RERE: variants seen among roughly 807,000 people sequenced by gnomAD.
RERE encodes the protein arginine-glutamic acid dipeptide repeats protein.
Under a neutral mutation model 146.1 loss-of-function variants are expected in RERE, and 40 were observed. That is an observed-to-expected ratio of 0.27 (90% confidence interval 0.21 to 0.36). The LOEUF is 0.36. RERE is among the 10% of genes least tolerant of loss of function. RERE has a pLI of 1.00. For missense variants in RERE, 1,933 were observed against 2,138.7 expected, an observed-to-expected ratio of 0.90 and a Z score of 1.90; for synonymous variants, 1,003 against 866.0, an observed-to-expected ratio of 1.16 and a Z score of -2.78.
chr1:8,464,280 CT>C (rs1644566564), intron 11 of RERE, among the ~76,000 whole-genome samples: 2 of 152,146 alleles, frequency 1.3e-5, no homozygotes, highest in African/African-American at 4.8e-5. Context: ...CTCCGCCTAG[CT>C]TTTCCCATTC....
intron 12 of RERE, among the ~76,000 whole-genome samples, chr1:8,379,270 G>C (rs1642363884): frequency 6.6e-6 from 1 of 152,158 alleles, no homozygotes; most frequent in African/African-American, 2.4e-5. Flanking sequence ...CCACAGGCAA[G>C]AGCCCAGCTC....
intron 4 of RERE, among the ~76,000 whole-genome samples, chr1:8,578,860 C>T (rs1646328358): frequency 6.6e-6 from 1 of 152,184 alleles, no homozygotes. Flanking sequence ...GTAAAAGATC[C>T]TTTATATGAA....
intron 1 of RERE, among the ~76,000 whole-genome samples, chr1:8,723,416 G>C (rs1162003356): frequency 1.3e-5 from 2 of 151,822 alleles, no homozygotes; most frequent in Non-Finnish European, 2.9e-5. Flanking sequence ...CTTTAAAAAA[G>C]AAAACAAACT....
At chr1:8,771,375 T>A (rs1640945498) in intron 1 of RERE, among the ~76,000 whole-genome samples, 1 of 151,540 alleles carries the variant, frequency 6.6e-6, no homozygotes, top group Non-Finnish European at 1.5e-5. Flanking sequence ...TACAAAAAAA[T>A]TAGCCAGACG....
intron 12 of RERE, among the ~76,000 whole-genome samples, chr1:8,369,721 T>C (rs1641958301): frequency 6.6e-6 from 1 of 151,826 alleles, no homozygotes; most frequent in Non-Finnish European, 1.5e-5. Flanking sequence ...ATTCTTCTCT[T>C]ATTTACCCAA....
At chr1:8,577,641 A>G (rs1351301898) in intron 4 of RERE, among the ~76,000 whole-genome samples, 1 of 152,348 alleles carries the variant, frequency 6.6e-6, no homozygotes, top group East Asian at 1.9e-4. Flanking sequence ...CTGAAAGTGA[A>G]TAGGCACAGA....
chr1:8,775,985 T>C (rs1055760140), intron 1 of RERE, among the ~76,000 whole-genome samples: 2 of 152,224 alleles, frequency 1.3e-5, no homozygotes, highest in African/African-American at 4.8e-5. Context: ...TTAGCAATCA[T>C]GCCACACTGC....
intron 4 of RERE, among the ~76,000 whole-genome samples, chr1:8,566,929 T>C (rs778141943): frequency 6.6e-6 from 1 of 151,956 alleles, no homozygotes; most frequent in Non-Finnish European, 1.5e-5. Context: ...TAGCTGGGAC[T>C]ACAGCATGTG....
intron 1 of RERE, among the ~76,000 whole-genome samples, chr1:8,671,991 C>A (rs937618724): frequency 6.6e-6 from 1 of 152,016 alleles, no homozygotes; most frequent in Non-Finnish European, 1.5e-5. Flanking sequence ...ACATCTCAGC[C>A]GGGCGTGGTG....
intron 10 of RERE, among the ~76,000 whole-genome samples, chr1:8,481,444 T>C (rs866855595): frequency 2.0e-5 from 3 of 152,206 alleles, no homozygotes; most frequent in African/African-American, 7.2e-5. Context: ...GAAGGCGCTA[T>C]AAGGTACTGG....
At chr1:8,466,422 T>C (rs1261173780) in intron 10 of RERE, among the ~76,000 whole-genome samples, 3 of 152,038 alleles carry the variant, frequency 2.0e-5, no homozygotes, top group Non-Finnish European at 4.4e-5. Flanking sequence ...ATCGCCCTAC[T>C]TCACAGATGA....
At chr1:8,458,036 A>C (rs1644473040) in intron 11 of RERE, among the ~76,000 whole-genome samples, 1 of 152,112 alleles carries the variant, frequency 6.6e-6, no homozygotes, top group Non-Finnish European at 1.5e-5. Flanking sequence ...TCCAGTTACC[A>C]ATGTAATATG....
At chr1:8,536,021 G>A (rs1443165810) in intron 7 of RERE, among the ~76,000 whole-genome samples, 4 of 150,706 alleles carry the variant, frequency 2.7e-5, no homozygotes, top group Non-Finnish European at 5.9e-5. Flanking sequence ...CAGGAGAATT[G>A]CTTGAACCCG....
chr1:8,803,677 C>G (rs936010590), intron 1 of RERE, among the ~76,000 whole-genome samples: 25 of 151,892 alleles, frequency 1.6e-4, no homozygotes, highest in African/African-American at 6.0e-4. Flanking sequence ...ATTCTCCCCC[C>G]TCAGCATCGC....
At chr1:8,749,949 C>T (rs1007330344) in intron 1 of RERE, among the ~76,000 whole-genome samples, 1 of 152,120 alleles carries the variant, frequency 6.6e-6, no homozygotes, top group African/African-American at 2.4e-5. Flanking sequence ...GCCAAGAGTT[C>T]GAGACCAAGC....
rs1645482675 is a variant in RERE at position 8,520,748 on chromosome 1, AC to A, written c.831-12074del. 1.2e-4 allele frequency among the ~76,000 whole-genome samples: 7 copies of A among 57,220 alleles called. No individual in the cohort carries two copies. The South Asian group carries it at 2.6e-3, about 21-fold the overall frequency. The allele number at this position is 57,220 out of a possible 152,430, so 37.5% of individuals were successfully genotyped here. A position where few individuals can be genotyped will look rare whatever the true frequency, so the allele number is the denominator to read the frequency against. ...ACACACATGGAGATTCAGCCAAAAA[AC>A]TTTTTAAAAAAAAAAAAAAAAAAAA... On this transcript the variant is annotated intron_variant, in intron 7 of 22. Coordinates refer to ENST00000400908, the MANE Select transcript of RERE (RefSeq NM_001042681.2).
intron 4 of RERE, among the ~76,000 whole-genome samples, chr1:8,608,524 C>T (rs962424668): frequency 6.6e-6 from 1 of 151,894 alleles, no homozygotes; most frequent in Non-Finnish European, 1.5e-5. Context: ...AAAAAAACCC[C>T]AAAACATGAA....
intron 12 of RERE, among the ~76,000 whole-genome samples, chr1:8,422,501 G>T (rs1459294187): frequency 6.6e-6 from 1 of 152,160 alleles, no homozygotes; most frequent in Non-Finnish European, 1.5e-5. Flanking sequence ...AGTTACAACA[G>T]AAGTCTATGT....
intron 12 of RERE, among the ~76,000 whole-genome samples, chr1:8,402,347 A>T (rs1643291150): frequency 6.6e-6 from 1 of 152,200 alleles, no homozygotes; most frequent in East Asian, 1.9e-4. Flanking sequence ...AGTAAAGAAG[A>T]TCACAGCTGT....
Sources: allele counts gnomAD v4.1 joint callset (sites outside exome capture counted in the v4.1 genomes callset), GRCh38; gene constraint gnomAD v4.1.1; transcripts MANE v1.5; gene names NCBI Gene and HGNC (gene_info 2026-07-23, HGNC 2026-07-21).